Variants in BEAN1 observed in about 807,000 individuals in gnomAD.
BEAN1 encodes the protein brain expressed associated with NEDD4 1, also known as protein BEAN1.
A neutral mutation model predicts 17.7 loss-of-function variants in BEAN1; 17 were observed. That is an observed-to-expected ratio of 0.96 (90% CI 0.66 to 1.44). The LOEUF (loss-of-function observed/expected upper bound fraction) is 1.44. Ranked by LOEUF, BEAN1 falls within the 40% of genes most tolerant of loss-of-function variation. The pLI, the probability that BEAN1 is intolerant of heterozygous loss-of-function variation, is 0.00. For missense variants in BEAN1, 359 were observed against 374.1 expected, an observed-to-expected ratio of 0.96 and a Z score of 0.33; for synonymous variants, 142 against 151.8, an observed-to-expected ratio of 0.94 and a Z score of 0.47.
intron 2 of BEAN1, among the ~76,000 whole-genome samples, chr16:66,468,513 G>A (rs1963343315): frequency 6.6e-6 from 1 of 152,224 alleles, no homozygotes; most frequent in Non-Finnish European, 1.5e-5. Context: ...TGCACTGAGA[G>A]CAGGAGAGGC....
intron 2 of BEAN1, among the ~76,000 whole-genome samples, chr16:66,444,655 A>G (rs148753590): frequency 3.3e-5 from 5 of 152,246 alleles, no homozygotes; most frequent in African/African-American, 1.2e-4. Context: ...TTTGGAGCAC[A>G]CAGACCTGAG....
chr16:66,463,679 G>A (rs1022343978), intron 2 of BEAN1, among the ~76,000 whole-genome samples: 1 of 152,080 alleles, frequency 6.6e-6, no homozygotes, highest in Non-Finnish European at 1.5e-5. Context: ...TGTGCTTCTG[G>A]TGTCGTATCT....
chr16:66,493,730 G>C (rs1964210004), downstream of BEAN1, among the ~76,000 whole-genome samples: 1 of 152,284 alleles, frequency 6.6e-6, no homozygotes, highest in Non-Finnish European at 1.5e-5. Context: ...CCAATCTCCA[G>C]GGCAGCCCTT....
intron 4 of BEAN1, among the ~76,000 whole-genome samples, chr16:66,490,218 TAAAAAA>T (rs774079713): frequency 9.2e-5 from 4 of 43,604 alleles, no homozygotes; most frequent in African/African-American, 1.8e-4. Context: ...CCATCTCTAC[TAAAAAA>T]AAAAAAAAAA....
chr16:66,483,241 T>A (rs188962596), downstream of BEAN1: 376 of 179,390 alleles, frequency 2.1e-3, 1 homozygote, highest in Non-Finnish European at 2.1e-3. Flanking sequence ...TTAAGCACCA[T>A]TGAAGCCTTG....
intron 3 of BEAN1, 103 bp from the exon 4 acceptor site, chr16:66,477,457 G>A (rs1176498514): frequency 8.1e-7 from 1 of 1,227,826 alleles, no homozygotes; most frequent in East Asian, 2.9e-5. Context: ...GAGTGGTCAG[G>A]TGGGGAATCA....
At chr16:66,479,861 A>C (rs1567509041) in intron 4 of BEAN1, among the ~76,000 whole-genome samples, 1 of 152,064 alleles carries the variant, frequency 6.6e-6, no homozygotes, top group Non-Finnish European at 1.5e-5. Flanking sequence ...GGCTGTGTCC[A>C]AACTGCCCTC....
downstream of BEAN1, chr16:66,484,959 T>C (rs755730029): frequency 4.4e-6 from 2 of 454,028 alleles, no homozygotes; most frequent in African/African-American, 2.0e-5. This position sits in a 1 kb window ranked among gnomAD's most constrained non-coding sequence, Gnocchi z 4.2. Flanking sequence ...GTCACCGTGC[T>C]GGCGATGACG....
At chr16:66,431,457 T>C (rs533825316) in intron 1 of BEAN1, among the ~76,000 whole-genome samples, 1 of 152,372 alleles carries the variant, frequency 6.6e-6, no homozygotes, top group Admixed American at 6.5e-5. Context: ...AATACAATTG[T>C]AAAATCATTA....
In BEAN1 at chr16:66,482,781, G is replaced by A. The variant is rs1421482193; in HGVS notation, c.*1856G>A. 3 of 439,632 alleles carry A rather than the reference G, an allele frequency of 6.8e-6. No individual in the cohort carries two copies. Among genetic ancestry groups the A allele is most frequent in the Non-Finnish European group, 1.4e-5 (3 of 221,972 alleles). The allele number at this position is 439,632 out of a possible 1,614,324, so 27.2% of individuals were successfully genotyped here. A position where few individuals can be genotyped will look rare whatever the true frequency, so the allele number is the denominator to read the frequency against. ...ATAAGCAACAATGTATCTTTTCTGT[G>A]TTCAAAATAAATACATAATATCAAT... is the stretch of plus-strand genomic sequence containing the variant. On this transcript the variant is annotated 3_prime_UTR_variant, in exon 5 of 5. Transcript: ENST00000536005.
chr16:66,479,243 G>T (rs1207970375), intron 4 of BEAN1: 1 of 152,466 alleles, frequency 6.6e-6, no homozygotes, highest in African/African-American at 2.4e-5. Context: ...ATCCCCAGCT[G>T]CCTCTGCCCG....
chr16:66,455,056 A>T (rs1053876519), intron 2 of BEAN1, among the ~76,000 whole-genome samples: 2 of 152,140 alleles, frequency 1.3e-5, no homozygotes, highest in African/African-American at 4.8e-5. Context: ...GTACTTTGAC[A>T]GTTTTGTCTA....
chr16:66,450,556 C>CA (rs987487606), intron 2 of BEAN1, among the ~76,000 whole-genome samples: 3 of 151,910 alleles, frequency 2.0e-5, no homozygotes, highest in Non-Finnish European at 4.4e-5. Flanking sequence ...TGTATACAAA[C>CA]AAAATTTTAA....
chr16:66,444,287 T>A (rs766396209), intron 2 of BEAN1, among the ~76,000 whole-genome samples: 36 of 152,178 alleles, frequency 2.4e-4, no homozygotes, highest in Non-Finnish European at 4.7e-4. Context: ...ATCCTTCCCT[T>A]TCCTCATAGA....
At chr16:66,490,229 A>AAG (rs1365273957) in intron 4 of BEAN1, among the ~76,000 whole-genome samples, 1 of 144,882 alleles carries the variant, frequency 6.9e-6, no homozygotes, top group East Asian at 2.0e-4. Flanking sequence ...AAAAAAAAAA[A>AAG]AAAAAAAAAA....
chr16:66,443,062 A>G (rs1423361909), intron 2 of BEAN1, among the ~76,000 whole-genome samples: 1 of 152,180 alleles, frequency 6.6e-6, no homozygotes, highest in Admixed American at 6.5e-5. Context: ...GACATCACTA[A>G]TCAATTGTAG....
chr16:66,447,221 G>A (rs1202739311), intron 2 of BEAN1, among the ~76,000 whole-genome samples: 1 of 152,188 alleles, frequency 6.6e-6, no homozygotes, highest in Non-Finnish European at 1.5e-5. Flanking sequence ...CTTCATACCT[G>A]GGTGGCACTT....
At chr16:66,479,326 G>A (rs1963895617) in intron 4 of BEAN1, among the ~76,000 whole-genome samples, 1 of 152,048 alleles carries the variant, frequency 6.6e-6, no homozygotes. Flanking sequence ...GATGCCCTGG[G>A]GGTGCCTGGG....
At chr16:66,468,625 A>G (rs1963347469) in intron 2 of BEAN1, among the ~76,000 whole-genome samples, 1 of 152,182 alleles carries the variant, frequency 6.6e-6, no homozygotes, top group South Asian at 2.1e-4. Flanking sequence ...GTCACTTACC[A>G]GCGCTGAGTC....
Sources: gnomAD v4.1 joint callset for allele counts (sites outside exome capture counted in the v4.1 genomes callset) on GRCh38, gnomAD v4.1.1 for gene constraint, Gnocchi (gnomAD v3.1) non-coding constraint, MANE v1.5 for transcripts, NCBI Gene and HGNC (gene_info 2026-07-23, HGNC 2026-07-21) for gene names.